TMPRSS3: variants seen among roughly 807,000 people sequenced by gnomAD.
The protein encoded by TMPRSS3 is transmembrane serine protease 3.
A neutral mutation model predicts 59.6 loss-of-function variants in TMPRSS3; 55 were observed. The observed-to-expected ratio is 0.92, with a 90% confidence interval of 0.74 to 1.16. The LOEUF (loss-of-function observed/expected upper bound fraction) is 1.16. Ranked by LOEUF, TMPRSS3 falls within the 50% of genes most tolerant of loss-of-function variation. TMPRSS3 has a pLI of 0.00. For missense variants in TMPRSS3, 596 were observed against 579.4 expected (o/e 1.03, Z -0.29); for synonymous variants, 257 against 237.7 (o/e 1.08, Z -0.75).
chr21:42,393,977 C>T (rs1473445238), intron 2 of TMPRSS3, among the ~76,000 whole-genome samples: 2 of 151,998 alleles, frequency 1.3e-5, no homozygotes, highest in African/African-American at 2.4e-5. Flanking sequence ...CATGTTACTT[C>T]CAAAGGAAAT....
chr21:42,376,534 C>T lies in TMPRSS3; in HGVS notation c.1191+7G>A, dbSNP rs1261993080. The T allele has an allele frequency of 6.2e-7, 1 of 1,612,936 alleles. No homozygotes were observed. Among genetic ancestry groups the T allele is most frequent in the Admixed American group, 1.7e-5 (1 of 60,026 alleles). Reference sequence around the variant, plus strand: ...CCACGGCCTCGCCCACCGCTGCGGCCCCGTACCTGGCAGCTGTCCACGCCA... The same window carrying T: ...CCACGGCCTCGCCCACCGCTGCGGCTCCGTACCTGGCAGCTGTCCACGCCA... On this transcript the variant is annotated splice_region_variant and intron_variant, in intron 11 of 12. Coordinates refer to ENST00000644384, the MANE Select transcript of TMPRSS3 (RefSeq NM_001256317.3).
chr21:42,391,862 C>T (rs2052738852), intron 2 of TMPRSS3, among the ~76,000 whole-genome samples: 2 of 152,152 alleles, frequency 1.3e-5, no homozygotes, highest in South Asian at 4.1e-4. Flanking sequence ...TAGAACCAGG[C>T]AAATCTGGTG....
Position 42,388,842 on chromosome 21 carries a change from A to G in TMPRSS3, c.322+87T>C. ...AAGACATGACCTAAAAATGGCAATG[A>G]CTTGGACCCATTTTACAGATGGGAA... On this transcript the variant is annotated intron_variant, in intron 4 of 12. Transcript: ENST00000644384. The surrounding 1 kb of genome is among the most constrained non-coding windows in gnomAD (Gnocchi z 5.1). 8.2e-7 allele frequency: 1 copy of G among 1,216,220 alleles called. No individual in the cohort carries two copies. Among genetic ancestry groups the G allele is most frequent in the Non-Finnish European group, 1.2e-6 (1 of 819,930 alleles). The allele number at this position is 1,216,220 out of a possible 1,614,324, so 75.3% of individuals were successfully genotyped here. A position where few individuals can be genotyped will look rare whatever the true frequency, so the allele number is the denominator to read the frequency against.
chr21:42,384,847 G>A (rs928565926), intron 6 of TMPRSS3, among the ~76,000 whole-genome samples: 1 of 152,032 alleles, frequency 6.6e-6, no homozygotes, highest in Non-Finnish European at 1.5e-5. Flanking sequence ...TCTAACCTGG[G>A]GCAAGGCATG....
chr21:42,375,777 T>C lies in TMPRSS3; in HGVS notation c.1283A>G (p.Asn428Ser), dbSNP rs144344468. ...GACACGGGTGTACACCCCAGGCTTGTTCACCTCTGCGCAGCCGATGCCAAA... is the reference window on the plus strand; with the variant it reads ...GACACGGGTGTACACCCCAGGCTTGCTCACCTCTGCGCAGCCGATGCCAAA... ...TSFGIGCAEV[N>S]KPGVYTRVTS... Residue 428 changes from asparagine (N) to serine (S), a missense_variant, in exon 12 of 13, where the codon AAC (asparagine) becomes AGC (serine). Physicochemically the swap from Asn to Ser is conservative, Grantham distance 46. Transcript: ENST00000644384. 89 of 1,613,582 alleles carry C rather than the reference T, an allele frequency of 5.5e-5. No homozygotes were observed. The highest frequency in any genetic ancestry group is 6.9e-5 in the Non-Finnish European group (81 of 1,180,016).
At chr21:42,373,167 G>A (rs564348139) in intron 12 of TMPRSS3, among the ~76,000 whole-genome samples, 2 of 152,204 alleles carry the variant, frequency 1.3e-5, no homozygotes, top group African/African-American at 2.4e-5. Flanking sequence ...CTAGCACACG[G>A]GACACTTCCC....
chr21:42,383,256 G>A, intron 7 of TMPRSS3, 58 bp from the exon 8 acceptor site: 1 of 1,574,828 alleles, frequency 6.3e-7, no homozygotes. Context: ...GGGGGACATG[G>A]TGTCACCACC....
intron 10 of TMPRSS3, among the ~76,000 whole-genome samples, chr21:42,378,862 A>G (rs950148021): frequency 7.0e-6 from 1 of 142,456 alleles, no homozygotes; most frequent in Non-Finnish European, 1.6e-5. Flanking sequence ...CCACCATGTC[A>G]GGCTAATTTT....
chr21:42,384,381 G>A (rs2052589756), intron 6 of TMPRSS3, among the ~76,000 whole-genome samples: 1 of 152,168 alleles, frequency 6.6e-6, no homozygotes, highest in Non-Finnish European at 1.5e-5. Context: ...ACACAAGAGT[G>A]CCCAAGGGAC....
chr21:42,382,984 A>G (rs761510287), intron 8 of TMPRSS3, 49 bp downstream of exon 8: 6 of 1,611,184 alleles, frequency 3.7e-6, no homozygotes, highest in Admixed American at 3.3e-5. Context: ...CCACCCTGAC[A>G]TGACCCAGGA....
intron 3 of TMPRSS3, 191 bp from the exon 4 acceptor site, chr21:42,389,236 T>C (rs1187064326): frequency 8.7e-7 from 1 of 1,147,888 alleles, no homozygotes; most frequent in Non-Finnish European, 1.2e-6. Flanking sequence ...GGGGCTGCTG[T>C]GCCCCACTTT....
Position 42,388,507 on chromosome 21 carries a change from A to G in TMPRSS3, c.342T>C (p.Asn114=). Residue 114 remains asparagine (N), a synonymous_variant, in exon 5 of 13, where the codon AAT becomes AAC. Transcript: ENST00000644384. This position sits in a 1 kb window ranked among gnomAD's most constrained non-coding sequence, Gnocchi z 5.1. ...CAGCTGTGAACACCTGGAGCACGGC[A>G]TTCTGACCACCCACCCGGACTGGCC... ...EYRCVRVGGQ[N]AVLQVFTAAS... is the part of the protein sequence containing the mutation. 1 of 1,614,206 alleles carries G rather than the reference A, an allele frequency of 6.2e-7. No individual in the cohort carries two copies. Among genetic ancestry groups the G allele is most frequent in the Middle Eastern group, 1.6e-4 (1 of 6,062 alleles).
intron 3 of TMPRSS3, 90 bp downstream of exon 3, chr21:42,389,837 G>A (rs2052704176): frequency 2.9e-6 from 3 of 1,019,390 alleles, no homozygotes; most frequent in Admixed American, 3.5e-5. Context: ...CTGGGCAGCA[G>A]CAAAATGCTG....
At chr21:42,383,946 C>A in intron 7 of TMPRSS3, 24 bp downstream of exon 7, 2 of 1,613,802 alleles carry the variant, frequency 1.2e-6, no homozygotes, top group Non-Finnish European at 1.7e-6. Flanking sequence ...TCCCCCTGGA[C>A]CCCTGCCTTT....
In TMPRSS3 at chr21:42,372,340, A is replaced by G; in HGVS notation, c.*422T>C. On this transcript the variant is annotated 3_prime_UTR_variant, in exon 13 of 13. Coordinates refer to ENST00000644384, the MANE Select transcript of TMPRSS3 (RefSeq NM_001256317.3). ...TGTGGGAGGCTGAAGCAGGCACATC[A>G]TTTGAGGTCAGGGGTTTGAGAGCAG... 2.2e-6 allele frequency: 1 copy of G among 456,678 alleles called. No individual in the cohort carries two copies. Among genetic ancestry groups the G allele is most frequent in the South Asian group, 1.6e-5 (1 of 64,492 alleles). 28.3% of individuals were successfully genotyped at this position (456,678 alleles called of 1,614,324 possible).
In TMPRSS3 at chr21:42,380,188, G is replaced by C; in HGVS notation, c.977C>G (p.Pro326Arg). ...ATCGGGGAAGTTCTCTTCAGAGTTGGGCAGGCACACAGGCTGGATCATTTC... is the reference window on the plus strand; with the variant it reads ...ATCGGGGAAGTTCTCTTCAGAGTTGCGCAGGCACACAGGCTGGATCATTTC... ...FNEMIQPVCL[P>R]NSEENFPDGK... is the part of the protein sequence containing the mutation. The change falls in exon 10 of 13, where the codon CCC (proline) becomes CGC (arginine). Residue 326 changes from proline (P) to arginine (R), a missense_variant. Pro to Arg is a moderately radical substitution (Grantham distance 103). Transcript: ENST00000644384. The C allele has an allele frequency of 1.2e-6, 2 of 1,614,070 alleles. No individual in the cohort carries two copies. The highest frequency in any genetic ancestry group is 1.7e-6 in the Non-Finnish European group (2 of 1,179,988).
At position 42,388,412 on chromosome 21, in the gene TMPRSS3, C is replaced by T. The variant is rs372586986; in HGVS notation, c.437G>A (p.Gly146Asp). 2.5e-6 allele frequency: 4 copies of T among 1,614,234 alleles called. No homozygotes were observed. Among genetic ancestry groups the T allele is most frequent in the Non-Finnish European group, 3.4e-6 (4 of 1,180,040 alleles). The change falls in exon 5 of 13, where the codon GGT becomes GAT. Residue 146 changes from glycine (G) to aspartate (D), a missense_variant. By Grantham distance (94) the Gly-to-Asp change is moderately conservative. Transcript: ENST00000644384. The surrounding 1 kb of genome is among the most constrained non-coding windows in gnomAD (Gnocchi z 5.1). ...HYANVACAQL[G>D]FPSYVSSDNL... ...ATGCTCTTTAACTTACCTTGGGAAA[C>T]CCAGTTGGGCACAGGCAACATTTGC...
chr21:42,379,320 G>A (rs1461649156), intron 10 of TMPRSS3, among the ~76,000 whole-genome samples: 1 of 151,934 alleles, frequency 6.6e-6, no homozygotes, highest in African/African-American at 2.4e-5. Context: ...ATGCCACCAT[G>A]CCTGGCTAAT....
In TMPRSS3 at chr21:42,385,484, C is replaced by A. The variant is rs150397427; in HGVS notation, c.497G>T (p.Arg166Leu). Residue 166 changes from arginine (R) to leucine (L), a missense_variant, in exon 6 of 13, where the codon CGG becomes CTG. Physicochemically the swap from Arg to Leu is moderately radical, Grantham distance 102 (BLOSUM62 -2). Transcript: ENST00000644384. ...GTGATCGATGGACACAAACTCCTCC[C>A]GGAACTGCCCCTCCAGCGAGCTCAC... ...LRVSSLEGQF[R>L]EEFVSIDHLL... The A allele has an allele frequency of 4.4e-4, 715 of 1,614,168 alleles. 1 individual carries two copies. Among genetic ancestry groups the A allele is most frequent in the Non-Finnish European group, 3.9e-4 (464 of 1,180,028 alleles).
Sources: gnomAD v4.1 joint callset for allele counts (sites outside exome capture counted in the v4.1 genomes callset) on GRCh38, gnomAD v4.1.1 for gene constraint, Gnocchi (gnomAD v3.1) non-coding constraint, MANE v1.5 for transcripts, NCBI Gene and HGNC (gene_info 2026-07-23, HGNC 2026-07-21) for gene names.